Variants in TMCO6 observed in about 807,000 individuals in gnomAD.
TMCO6 encodes the protein transmembrane and coiled-coil domain-containing protein 6.
In TMCO6, 47 loss-of-function variants were observed where a neutral mutation model predicts 61.8. That is an observed-to-expected ratio of 0.76 (90% CI 0.60 to 0.97). The LOEUF (loss-of-function observed/expected upper bound fraction) is 0.97. Ranked by LOEUF, TMCO6 falls within the 50% of genes least tolerant of loss-of-function variation. TMCO6 has a pLI of 0.00. For missense variants in TMCO6, 557 were observed against 601.6 expected, an observed-to-expected ratio of 0.93 and a Z score of 0.78; for synonymous variants, 261 against 254.2, an observed-to-expected ratio of 1.03 and a Z score of -0.25.
At chr5:140,635,072 G>A (rs183012174), upstream of TMCO6, among the ~76,000 whole-genome samples, 21 of 152,304 alleles carry the variant, frequency 1.4e-4, no homozygotes, top group Non-Finnish European at 2.4e-4. Context: ...ATGAGCCACC[G>A]TGCCCGGCAG....
chr5:140,602,778 A>G, the TMCO6 span, among the ~76,000 whole-genome samples: 1 of 150,786 alleles, frequency 6.6e-6, no homozygotes, highest in Non-Finnish European at 1.5e-5. Flanking sequence ...ACACACACAC[A>G]CAAACACACA....
the TMCO6 span, among the ~76,000 whole-genome samples, chr5:140,630,228 G>T: frequency 6.6e-6 from 1 of 151,870 alleles, no homozygotes. Flanking sequence ...TCTTGACCTC[G>T]TGATCCGCCC....
upstream of TMCO6, chr5:140,639,327 G>T (rs542838994): frequency 5.1e-6 from 3 of 586,844 alleles, no homozygotes; most frequent in South Asian, 2.0e-5. Flanking sequence ...GTGGTGCAGC[G>T]TCTCTAGCCC....
At chr5:140,646,073 C>G (rs187285607), downstream of TMCO6, among the ~76,000 whole-genome samples, 85 of 149,642 alleles carry the variant, frequency 5.7e-4, no homozygotes, top group African/African-American at 1.0e-3. Context: ...TGTGGTGGCA[C>G]GATCTCCACT....
the TMCO6 span, chr5:140,609,266 C>T: frequency 5.8e-6 from 1 of 172,732 alleles, no homozygotes; most frequent in South Asian, 1.2e-4. Context: ...CATGGAGTTG[C>T]TTGAGGTTTC....
intron 7 of TMCO6, 184 bp from the exon 8 acceptor site, chr5:140,643,376 TAATA>T: frequency 2.0e-5 from 13 of 650,578 alleles, no homozygotes; most frequent in Non-Finnish European, 3.5e-5. Flanking sequence ...TTTGTATTTC[TAATA>T]GAGACGGAGT....
At chr5:140,612,319 C>T in the TMCO6 span, among the ~76,000 whole-genome samples, 2 of 149,198 alleles carry the variant, frequency 1.3e-5, no homozygotes, top group East Asian at 4.0e-4. Context: ...GCTTTATTAA[C>T]ACAACTTGCC....
At chr5:140,632,520 G>A in the TMCO6 span, 2 of 1,614,026 alleles carry the variant, frequency 1.2e-6, no homozygotes, top group Non-Finnish European at 1.7e-6. This position sits in a 1 kb window ranked among gnomAD's most constrained non-coding sequence, Gnocchi z 6.2. Flanking sequence ...ACGCCCTGTC[G>A]CCCACGACAC....
chr5:140,617,027 A>G, the TMCO6 span, among the ~76,000 whole-genome samples: 1 of 152,056 alleles, frequency 6.6e-6, no homozygotes, highest in Non-Finnish European at 1.5e-5. Flanking sequence ...TAGGCTACGA[A>G]GCCAAACCGT....
chr5:140,596,795 TACAA>T, the TMCO6 span, among the ~76,000 whole-genome samples: 1 of 152,180 alleles, frequency 6.6e-6, no homozygotes, highest in Non-Finnish European at 1.5e-5. Context: ...GTGGAGTATG[TACAA>T]ACAAAGCTTC....
At chr5:140,629,310 AAAT>A in the TMCO6 span, among the ~76,000 whole-genome samples, 3 of 151,550 alleles carry the variant, frequency 2.0e-5, no homozygotes, top group African/African-American at 4.9e-5. Context: ...AAACTAAAAA[AAAT>A]AATAATAATA....
At chr5:140,621,485 G>T in the TMCO6 span, among the ~76,000 whole-genome samples, 1 of 152,040 alleles carries the variant, frequency 6.6e-6, no homozygotes, top group African/African-American at 2.4e-5. Flanking sequence ...TCTCAATCCT[G>T]TCAGCTGAGG....
rs771371619 is a variant in TMCO6 at position 140,643,791 on chromosome 5, C to T, written c.930C>T (p.Pro310=). 2.8e-5 allele frequency: 45 copies of T among 1,613,898 alleles called. No individual in the cohort carries two copies. The highest frequency in any genetic ancestry group is 1.6e-4 in the Middle Eastern group (1 of 6,082). Residue 310 remains proline, a synonymous_variant, in exon 9 of 12, where the codon CCC becomes CCT. Transcript: ENST00000394671. ...EDAGLELLAC[P]VLRCLSNLLT... is the part of the protein sequence containing the mutation. The stretch of plus-strand genomic sequence containing the variant: ...ATTTGTCTTTGCAGCTGGCATGCCC[C>T]GTGCTTCGATGTCTAAGCAACCTGC...
chr5:140,632,433 G>A, the TMCO6 span: 2 of 1,614,220 alleles, frequency 1.2e-6, no homozygotes, highest in Non-Finnish European at 1.7e-6. The surrounding 1 kb of genome is among the most constrained non-coding windows in gnomAD (Gnocchi z 6.2). Context: ...GCAGGAAAAG[G>A]CAGGCGAGTG....
chr5:140,597,580 C>T, the TMCO6 span, among the ~76,000 whole-genome samples: 18 of 152,304 alleles, frequency 1.2e-4, no homozygotes, highest in African/African-American at 4.1e-4. Context: ...TCATTCCATA[C>T]CCTCAGCTAT....
chr5:140,644,609 C>T lies in TMCO6; in HGVS notation c.1237C>T (p.Pro413Ser). The change falls in exon 11 of 12, where the codon CCT becomes TCT. Residue 413 changes from proline to serine, a missense_variant. Transcript: ENST00000394671. Reference protein sequence around the residue: ...TVLCNVAEKGPAYCQRLWPGP... With the variant: ...TVLCNVAEKGSAYCQRLWPGP... Reference sequence around the variant, plus strand: ...TCTGTGCAATGTTGCAGAAAAGGGTCCTGCTTACTGCCAGCGGCTGTGGCC... The same window carrying T: ...TCTGTGCAATGTTGCAGAAAAGGGTTCTGCTTACTGCCAGCGGCTGTGGCC... 1 of 1,614,222 alleles carries T rather than the reference C, an allele frequency of 6.2e-7. No homozygotes were observed. The highest frequency in any genetic ancestry group is 8.5e-7 in the Non-Finnish European group (1 of 1,180,044).
chr5:140,632,400 G>A, the TMCO6 span: 1 of 1,614,164 alleles, frequency 6.2e-7, no homozygotes, highest in South Asian at 1.1e-5. The surrounding 1 kb of genome is among the most constrained non-coding windows in gnomAD (Gnocchi z 6.2). Context: ...GCTGGTAAGG[G>A]CCGGGAAGGC....
chr5:140,644,422 G>A, intron 10 of TMCO6, 151 bp from the exon 11 acceptor site: 1 of 981,624 alleles, frequency 1.0e-6, no homozygotes, highest in Non-Finnish European at 1.5e-6. Context: ...GGATAATCTT[G>A]CATCATAGGG....
At chr5:140,599,922 A>G in the TMCO6 span, among the ~76,000 whole-genome samples, 2 of 114,976 alleles carry the variant, frequency 1.7e-5, no homozygotes, top group East Asian at 4.0e-4. Context: ...AAAATATAAA[A>G]TAAAATAAAA....
Sources: gnomAD v4.1 joint callset for allele counts (sites outside exome capture counted in the v4.1 genomes callset) on GRCh38, gnomAD v4.1.1 for gene constraint, Gnocchi (gnomAD v3.1) non-coding constraint, MANE v1.5 for transcripts, NCBI Gene and HGNC (gene_info 2026-07-23, HGNC 2026-07-21) for gene names.